Variants in PCDHGA9 observed in about 807,000 individuals in gnomAD.
PCDHGA9 encodes the protein protocadherin gamma subfamily A, 9, also known as protocadherin gamma-A9.
A neutral mutation model predicts 62.5 loss-of-function variants in PCDHGA9; 37 were observed. The observed-to-expected ratio is 0.59, with a 90% CI of 0.46 to 0.78. The LOEUF is 0.78. PCDHGA9 is among the 30% of genes least tolerant of loss of function. PCDHGA9 has a pLI of 0.00. For missense variants in PCDHGA9, 1,138 were observed against 1,166.2 expected, an observed-to-expected ratio of 0.98 and a Z score of 0.35; for synonymous variants, 459 against 484.6, an observed-to-expected ratio of 0.95 and a Z score of 0.69.
In PCDHGA9 at chr5:141,410,323, G is replaced by T. The variant is rs1415994094; in HGVS notation, c.2424+4947G>T. 3.7e-6 allele frequency: 6 copies of T among 1,613,884 alleles called. No homozygotes were observed. The South Asian group carries it at 5.5e-5, about 15-fold the overall frequency. ...TCTCAGTGCTCTTCCTCCTCGCCGT[G>T]ATTCTGGCCATTGCCTTGCGCCTGC... is the stretch of plus-strand genomic sequence containing the variant. On this transcript the variant is annotated intron_variant, in intron 1 of 3. Transcript: ENST00000573521.
At chr5:141,414,508 C>T in intron 1 of PCDHGA9, 1 of 1,613,970 alleles carries the variant, frequency 6.2e-7, no homozygotes, top group Non-Finnish European at 8.5e-7. Context: ...CTTTATGCTA[C>T]AAGTGGCAGA....
intron 1 of PCDHGA9, chr5:141,428,221 G>A (rs1314522513): frequency 5.9e-6 from 7 of 1,177,278 alleles, no homozygotes; most frequent in Non-Finnish European, 8.6e-6. Context: ...CCTAGTCTTC[G>A]CAGACAGCCT....
intron 1 of PCDHGA9, chr5:141,478,242 T>C (rs750487479): frequency 6.2e-7 from 1 of 1,614,156 alleles, no homozygotes; most frequent in Admixed American, 1.7e-5. Context: ...GTGGTCACAG[T>C]GTTCGGAGTA....
At chr5:141,499,828 A>G (rs921957227) in intron 2 of PCDHGA9, among the ~76,000 whole-genome samples, 1 of 151,834 alleles carries the variant, frequency 6.6e-6, no homozygotes, top group Non-Finnish European at 1.5e-5. Context: ...CTAGGATTAC[A>G]GGTGTGCACC....
Position 141,476,114 on chromosome 5 carries a change from G to A in PCDHGA9, c.2425-18693G>A. Reference sequence around the variant, plus strand: ...CCGCTGAGAGGAACTGCTTTTGAGTGAGATGGTCCCAGAGGCCTGGAGGAG... The same window carrying A: ...CCGCTGAGAGGAACTGCTTTTGAGTAAGATGGTCCCAGAGGCCTGGAGGAG... On this transcript the variant is annotated intron_variant, in intron 1 of 3. Coordinates refer to ENST00000573521, the MANE Select transcript of PCDHGA9 (RefSeq NM_018921.3). The surrounding 1 kb of genome is among the most constrained non-coding windows in gnomAD (Gnocchi z 7.6). 6.3e-7 allele frequency: 1 copy of A among 1,592,296 alleles called. No individual in the cohort carries two copies. The highest frequency in any genetic ancestry group is 8.5e-7 in the Non-Finnish European group (1 of 1,171,536).
chr5:141,437,892 C>A (rs2097916583), intron 1 of PCDHGA9, among the ~76,000 whole-genome samples: 2 of 152,116 alleles, frequency 1.3e-5, no homozygotes, highest in Admixed American at 1.3e-4. Context: ...CACACGCCAC[C>A]ACACCCAGCT....
In PCDHGA9 at chr5:141,403,191, G is replaced by T. The variant is rs368387997; in HGVS notation, c.239G>T (p.Arg80Leu). 6.2e-7 allele frequency: 1 copy of T among 1,613,994 alleles called. No individual in the cohort carries two copies. Among genetic ancestry groups the T allele is most frequent in the Non-Finnish European group, 8.5e-7 (1 of 1,179,924 alleles). ...GRTQLFSLNP[R>L]SGTLVTAGRI... ...ACGCAGCTTTTCTCTCTGAACCCGC[G>T]CAGCGGCACCTTGGTCACCGCGGGT... is the stretch of plus-strand genomic sequence containing the variant. The change falls in exon 1 of 4, where the codon CGC becomes CTC. Residue 80 changes from arginine to leucine, a missense_variant. Physicochemically the swap from Arg to Leu is moderately radical, Grantham distance 102. Transcript: ENST00000573521.
chr5:141,425,845 GT>G (rs2096898477), intron 1 of PCDHGA9, among the ~76,000 whole-genome samples: 1 of 152,126 alleles, frequency 6.6e-6, no homozygotes, highest in Non-Finnish European at 1.5e-5. Context: ...TCTTTGCTGG[GT>G]TAATGACTGT....
At position 141,491,765 on chromosome 5, in the gene PCDHGA9, A is replaced by C; in HGVS notation, c.2425-3042A>C. 1 of 1,569,230 alleles carries C rather than the reference A, an allele frequency of 6.4e-7. No homozygotes were observed. On this transcript the variant is annotated intron_variant, in intron 1 of 3. Coordinates refer to ENST00000573521, the MANE Select transcript of PCDHGA9 (RefSeq NM_018921.3). This position sits in a 1 kb window ranked among gnomAD's most constrained non-coding sequence, Gnocchi z 6.9. The stretch of plus-strand genomic sequence containing the variant: ...GGCACTGGAGAAGCCGCCCGTCCTC[A>C]TAAGGGATTGAACTTGCATCCACTC...
At chr5:141,422,281 T>C in intron 1 of PCDHGA9, 1 of 1,557,044 alleles carries the variant, frequency 6.4e-7, no homozygotes, top group Middle Eastern at 1.7e-4. Context: ...AACTATCACC[T>C]CTTCTATTAA....
intron 1 of PCDHGA9, chr5:141,414,552 C>G: frequency 6.2e-7 from 1 of 1,613,984 alleles, no homozygotes; most frequent in Non-Finnish European, 8.5e-7. Context: ...TCTCTCAAGT[C>G]TCCTACTTTA....
At chr5:141,422,201 G>A in intron 1 of PCDHGA9, 1 of 1,562,386 alleles carries the variant, frequency 6.4e-7, no homozygotes, top group Non-Finnish European at 8.6e-7. Context: ...GGCCAAGATG[G>A]TGGAGGTCTC....
In PCDHGA9 at chr5:141,491,925, G is replaced by A. The variant is rs1019181943; in HGVS notation, c.2425-2882G>A. 5 of 1,325,176 alleles carry A rather than the reference G, an allele frequency of 3.8e-6. No homozygotes were observed. In the Admixed American group the frequency reaches 1.5e-4, roughly 39 times the overall value. 82.1% of individuals were successfully genotyped at this position (1,325,176 alleles called of 1,614,324 possible). A position where few individuals can be genotyped will look rare whatever the true frequency, so the allele number is the denominator to read the frequency against. On this transcript the variant is annotated intron_variant, in intron 1 of 3. Coordinates refer to ENST00000573521, the MANE Select transcript of PCDHGA9 (RefSeq NM_018921.3). The surrounding 1 kb of genome is among the most constrained non-coding windows in gnomAD (Gnocchi z 6.9). ...GGGTGGTGGCGACTGTGGGCGAGGG[G>A]AGGTGGGACCGACCCCCACCCCTAC...
Position 141,431,010 on chromosome 5 carries a change from T to G in PCDHGA9, c.2424+25634T>G. 2 of 1,613,972 alleles carry G rather than the reference T, an allele frequency of 1.2e-6. No individual in the cohort carries two copies. The highest frequency in any genetic ancestry group is 1.7e-6 in the Non-Finnish European group (2 of 1,179,964). The stretch of plus-strand genomic sequence containing the variant: ...GCCCTGAATCCGCGCAGCGGCAGCT[T>G]GGTCACGGCGGGCAGGATAGACCGG... On this transcript the variant is annotated intron_variant, in intron 1 of 3. Transcript: ENST00000573521. The surrounding 1 kb of genome is among the most constrained non-coding windows in gnomAD (Gnocchi z 4.8).
chr5:141,405,583 T>C (rs868246551), intron 1 of PCDHGA9: 1 of 588,746 alleles, frequency 1.7e-6, no homozygotes. Flanking sequence ...TAGCTGGGAC[T>C]ACAGGCCTCC....
intron 1 of PCDHGA9, chr5:141,441,982 G>T: frequency 3.6e-6 from 1 of 277,096 alleles, no homozygotes; most frequent in South Asian, 3.6e-5. Flanking sequence ...CCTGGAATGC[G>T]CACCGACGAG....
At chr5:141,427,924 G>A (rs1440880400) in intron 1 of PCDHGA9, 8 of 1,580,024 alleles carry the variant, frequency 5.1e-6, no homozygotes, top group East Asian at 2.2e-5. Context: ...ATGAGCCGGC[G>A]CATGTTGGTG....
rs1317111249 is a variant in PCDHGA9, at chr5:141,413,333, C to A, written c.2424+7957C>A. 3.1e-6 allele frequency: 5 copies of A among 1,613,966 alleles called. No individual in the cohort carries two copies. The Admixed American group carries it at 6.7e-5, about 22-fold the overall frequency. On this transcript the variant is annotated intron_variant, in intron 1 of 3. Coordinates refer to ENST00000573521, the MANE Select transcript of PCDHGA9 (RefSeq NM_018921.3). ...AAAGGCTCTTTCGTGGGCAACATCTCCAAGGACTTGGGTCTGGCGCCCCGG... is the reference window on the plus strand; with the variant it reads ...AAAGGCTCTTTCGTGGGCAACATCTACAAGGACTTGGGTCTGGCGCCCCGG...
Position 141,447,179 on chromosome 5 carries a change from G to A in PCDHGA9, c.2424+41803G>A, listed in dbSNP as rs558348683. ...GTTTAAGCGGGGTCTTGCTCTTGTC[G>A]CGCAGGCTGGAGTGCAATGGCTTGA... On this transcript the variant is annotated intron_variant, in intron 1 of 3. Transcript: ENST00000573521. 4.6e-4 allele frequency among the ~76,000 whole-genome samples: 70 copies of A among 151,826 alleles called. 1 individual carries two copies. The highest frequency in any genetic ancestry group is 3.9e-4 in the East Asian group (2 of 5,158).
Sources: allele counts gnomAD v4.1 joint callset (sites outside exome capture counted in the v4.1 genomes callset), GRCh38; gene constraint gnomAD v4.1.1; non-coding constraint Gnocchi (gnomAD v3.1); transcripts MANE v1.5; gene names NCBI Gene and HGNC (gene_info 2026-07-23, HGNC 2026-07-21).